Variants in CAMK1D observed in about 807,000 individuals in gnomAD.
The protein encoded by CAMK1D is calcium/calmodulin dependent protein kinase ID, also known as calcium/calmodulin-dependent protein kinase type 1D.
Under a neutral mutation model 47.7 loss-of-function variants are expected in CAMK1D, and 9 were observed. The observed-to-expected ratio is 0.19, with a 90% confidence interval of 0.11 to 0.33. CAMK1D has a LOEUF of 0.33. Ranked by LOEUF, CAMK1D falls within the 10% of genes least tolerant of loss-of-function variation. CAMK1D has a pLI of 1.00. For synonymous variants in CAMK1D, 184 were observed against 184.9 expected (o/e 0.99, Z 0.04); for missense variants, 291 against 488.7 (o/e 0.60, Z 3.81).
At position 12,828,754 on chromosome 10, in the gene CAMK1D, T is replaced by C. The variant is rs772245692; in HGVS notation, c.1040-15T>C. ...CCTCTGAAACTCTGAAGCCCACTTC[T>C]GCTGTTCCCTGCAGGTCTGGCACCT... On this transcript the variant is annotated splice_polypyrimidine_tract_variant and intron_variant, in intron 10 of 10. Coordinates refer to ENST00000619168, the MANE Select transcript of CAMK1D (RefSeq NM_153498.4). 6.2e-7 allele frequency: 1 copy of C among 1,602,236 alleles called. No homozygotes were observed.
chr10:12,659,889 C>T (rs558915574), intron 2 of CAMK1D, among the ~76,000 whole-genome samples: 2 of 152,286 alleles, frequency 1.3e-5, no homozygotes, highest in South Asian at 2.1e-4. Flanking sequence ...ACTGTAAACC[C>T]GGAAGTGCCT....
chr10:12,695,285 G>A (rs1374193263), intron 3 of CAMK1D, among the ~76,000 whole-genome samples: 1 of 152,124 alleles, frequency 6.6e-6, no homozygotes, highest in Non-Finnish European at 1.5e-5. Context: ...GATCAGAAAC[G>A]GTTCTCTGAA....
At chr10:12,463,283 G>T (rs1030571754) in intron 1 of CAMK1D, among the ~76,000 whole-genome samples, 7 of 151,876 alleles carry the variant, frequency 4.6e-5, no homozygotes, top group Non-Finnish European at 5.9e-5. Context: ...GATTAGAGGC[G>T]CACACCACCA....
At chr10:12,492,576 T>G (rs1834419958) in intron 1 of CAMK1D, among the ~76,000 whole-genome samples, 2 of 152,120 alleles carry the variant, frequency 1.3e-5, no homozygotes, top group South Asian at 4.2e-4. Flanking sequence ...GGAGGATTGT[T>G]TGAGGCCAAG....
At chr10:12,472,706 G>T (rs1833784076) in intron 1 of CAMK1D, among the ~76,000 whole-genome samples, 1 of 152,046 alleles carries the variant, frequency 6.6e-6, no homozygotes, top group African/African-American at 2.4e-5. Flanking sequence ...ATTTTTAGTA[G>T]AGATGGGATT....
At chr10:12,787,786 G>A (rs973834556) in intron 5 of CAMK1D, among the ~76,000 whole-genome samples, 2 of 152,190 alleles carry the variant, frequency 1.3e-5, no homozygotes, top group African/African-American at 2.4e-5. Context: ...TGGATCATGA[G>A]GTCAGGAGTT....
chr10:12,432,732 C>T (rs1442913579), intron 1 of CAMK1D, among the ~76,000 whole-genome samples: 3 of 152,168 alleles, frequency 2.0e-5, no homozygotes, highest in African/African-American at 7.2e-5. Context: ...GTCAGGGTGC[C>T]AGCGCTTGCC....
intron 2 of CAMK1D, among the ~76,000 whole-genome samples, chr10:12,599,150 T>G (rs1838230387): frequency 6.6e-6 from 1 of 152,230 alleles, no homozygotes; most frequent in Non-Finnish European, 1.5e-5. Context: ...GTTGAACAGT[T>G]AGGCTAACTG....
At chr10:12,749,286 A>G (rs1035221630) in intron 3 of CAMK1D, among the ~76,000 whole-genome samples, 1 of 151,802 alleles carries the variant, frequency 6.6e-6, no homozygotes, top group Non-Finnish European at 1.5e-5. Context: ...CATTTTTTTT[A>G]ACATTAAGGC....
chr10:12,679,537 C>T (rs954999000), intron 3 of CAMK1D, among the ~76,000 whole-genome samples: 4 of 152,166 alleles, frequency 2.6e-5, no homozygotes, highest in Non-Finnish European at 5.9e-5. Flanking sequence ...TCAGATTAGG[C>T]ATTCTAGTTT....
intron 1 of CAMK1D, among the ~76,000 whole-genome samples, chr10:12,454,229 T>C (rs1397180165): frequency 6.6e-6 from 1 of 152,102 alleles, no homozygotes; most frequent in Non-Finnish European, 1.5e-5. Context: ...GTGACGCGAT[T>C]TCAGCTCACT....
At chr10:12,655,159 G>C (rs939479265) in intron 2 of CAMK1D, among the ~76,000 whole-genome samples, 3 of 152,132 alleles carry the variant, frequency 2.0e-5, no homozygotes, top group Non-Finnish European at 4.4e-5. Flanking sequence ...CATAGTGCTG[G>C]CATCTGCTCG....
intron 3 of CAMK1D, among the ~76,000 whole-genome samples, chr10:12,758,625 T>C (rs1836346262): frequency 6.6e-6 from 1 of 152,198 alleles, no homozygotes; most frequent in Non-Finnish European, 1.5e-5. Context: ...CAGAAAATAT[T>C]TTATGCAGAT....
intron 3 of CAMK1D, among the ~76,000 whole-genome samples, chr10:12,679,826 G>A (rs560086116): frequency 2.6e-5 from 4 of 152,210 alleles, no homozygotes; most frequent in African/African-American, 7.2e-5. Context: ...CCCAGCACCC[G>A]GGCATATCCC....
chr10:12,447,349 G>A (rs937416926), intron 1 of CAMK1D, among the ~76,000 whole-genome samples: 1 of 152,150 alleles, frequency 6.6e-6, no homozygotes, highest in Non-Finnish European at 1.5e-5. Flanking sequence ...ATATCATGAT[G>A]AGAGGCCTCT....
intron 1 of CAMK1D, among the ~76,000 whole-genome samples, chr10:12,464,110 C>T (rs1408692006): frequency 6.6e-6 from 1 of 152,128 alleles, no homozygotes; most frequent in Non-Finnish European, 1.5e-5. Flanking sequence ...CTAATACACC[C>T]CTGCTTAGAT....
intron 2 of CAMK1D, among the ~76,000 whole-genome samples, chr10:12,618,625 A>AGCATTGCCAGAG: frequency 1.3e-5 from 2 of 152,338 alleles, no homozygotes; most frequent in East Asian, 3.9e-4. Flanking sequence ...AATTTCATTA[A>AGCATTGCCAGAG]GCATTGCCAG....
At chr10:12,431,883 T>C (rs1320786175) in intron 1 of CAMK1D, among the ~76,000 whole-genome samples, 1 of 152,238 alleles carries the variant, frequency 6.6e-6, no homozygotes, top group East Asian at 1.9e-4. Flanking sequence ...GATTCCTGAC[T>C]CTTCTCCTGG....
chr10:12,460,124 T>A (rs961172498), intron 1 of CAMK1D, among the ~76,000 whole-genome samples: 7 of 152,206 alleles, frequency 4.6e-5, no homozygotes, highest in African/African-American at 1.7e-4. Context: ...CAGATTCTTA[T>A]TTCCTAATCA....
Sources: allele counts gnomAD v4.1 joint callset (sites outside exome capture counted in the v4.1 genomes callset), GRCh38; gene constraint gnomAD v4.1.1; transcripts MANE v1.5; gene names NCBI Gene and HGNC (gene_info 2026-07-23, HGNC 2026-07-21).